FSTL5: variants seen among roughly 807,000 people sequenced by gnomAD.
FSTL5 encodes the protein follistatin-related protein 5.
FSTL5 carries 62 observed loss-of-function variants against 89.1 expected under a neutral mutation model. The observed-to-expected ratio is 0.70, with a 90% CI of 0.57 to 0.86. The LOEUF is 0.86. Among genes scored for constraint, FSTL5 ranks in the 40% least tolerant of loss-of-function variants. The pLI, the probability that FSTL5 is intolerant of heterozygous loss-of-function variation, is 0.00. For synonymous variants in FSTL5, 383 were observed against 346.2 expected (o/e 1.11, Z -1.18); for missense variants, 1,057 against 1,001.6 (o/e 1.06, Z -0.75).
chr4:162,033,680 G>T, intron 2 of FSTL5, 22 bp from the exon 3 acceptor site: 1 of 1,385,270 alleles, frequency 7.2e-7, no homozygotes, highest in Middle Eastern at 1.8e-4. Flanking sequence ...ACAGAAAATA[G>T]GTCAAAATAT....
intron 6 of FSTL5, among the ~76,000 whole-genome samples, chr4:161,726,287 C>T (rs1479675012): frequency 7.9e-6 from 1 of 127,256 alleles, no homozygotes; most frequent in Non-Finnish European, 1.6e-5. Flanking sequence ...AGTGCAGTGG[C>T]AAGATCTCGG....
chr4:161,558,893 T>C lies in FSTL5; in HGVS notation c.1016-16200A>G, dbSNP rs1578924097. On this transcript the variant is annotated intron_variant, in intron 8 of 15. Coordinates refer to ENST00000306100, the MANE Select transcript of FSTL5 (RefSeq NM_020116.5). ...GTTATTTATGGCAACATATTTATTATCAATTTGATCTCAATTTTTCACATT... is the reference window on the plus strand; with the variant it reads ...GTTATTTATGGCAACATATTTATTACCAATTTGATCTCAATTTTTCACATT... 2.0e-5 allele frequency among the ~76,000 whole-genome samples: 3 copies of C among 152,012 alleles called. No homozygotes were observed. In the South Asian group the frequency reaches 6.2e-4, roughly 31 times the overall value.
At chr4:161,590,673 T>C (rs1490331151) in intron 7 of FSTL5, among the ~76,000 whole-genome samples, 6 of 152,174 alleles carry the variant, frequency 3.9e-5, no homozygotes, top group Non-Finnish European at 7.3e-5. Flanking sequence ...ACTAAGGATA[T>C]GCAAATAAAA....
intron 3 of FSTL5, among the ~76,000 whole-genome samples, chr4:161,997,568 A>G (rs1736331819): frequency 6.6e-6 from 1 of 152,002 alleles, no homozygotes; most frequent in Non-Finnish European, 1.5e-5. Context: ...TCTTTATATG[A>G]AATATGCATG....
intron 3 of FSTL5, among the ~76,000 whole-genome samples, chr4:162,024,993 C>T (rs867377422): frequency 6.6e-6 from 1 of 151,956 alleles, no homozygotes; most frequent in Admixed American, 6.6e-5. Context: ...CAAATTCGTA[C>T]TCTGAGAGAA....
At chr4:161,798,130 G>C (rs755733531) in intron 4 of FSTL5, among the ~76,000 whole-genome samples, 12 of 151,550 alleles carry the variant, frequency 7.9e-5, no homozygotes, top group Non-Finnish European at 1.8e-4. Flanking sequence ...AAAAATTTAT[G>C]GCATACAGGT....
intron 6 of FSTL5, among the ~76,000 whole-genome samples, chr4:161,746,333 C>T (rs955411712): frequency 5.3e-5 from 8 of 151,994 alleles, no homozygotes; most frequent in African/African-American, 1.9e-4. Flanking sequence ...GATCTTTTCC[C>T]CTAATATTCC....
At chr4:162,018,697 C>G (rs1736987975) in intron 3 of FSTL5, among the ~76,000 whole-genome samples, 1 of 151,774 alleles carries the variant, frequency 6.6e-6, no homozygotes, top group Non-Finnish European at 1.5e-5. Flanking sequence ...TATTTTTTCT[C>G]AAGTTCCAGA....
intron 9 of FSTL5, among the ~76,000 whole-genome samples, chr4:161,541,019 CTCTCTCTAATTCACATA>C (rs1429363455): frequency 6.6e-5 from 10 of 152,068 alleles, no homozygotes; most frequent in Admixed American, 3.3e-4. Flanking sequence ...TGGGATTTTA[CTCTCTCTAATTCACATA>C]TTATCCCAGC....
At chr4:161,598,476 A>G (rs985965995) in intron 7 of FSTL5, among the ~76,000 whole-genome samples, 1 of 152,158 alleles carries the variant, frequency 6.6e-6, no homozygotes, top group African/African-American at 2.4e-5. Context: ...ATGAAAAGCC[A>G]AGACAATCCT....
At chr4:161,517,653 A>G (rs1730886840) in intron 10 of FSTL5, among the ~76,000 whole-genome samples, 1 of 152,218 alleles carries the variant, frequency 6.6e-6, no homozygotes. Context: ...AGTTACCTAC[A>G]TAACATCATG....
intron 8 of FSTL5, among the ~76,000 whole-genome samples, chr4:161,563,822 A>G (rs903670968): frequency 1.3e-5 from 2 of 152,032 alleles, no homozygotes; most frequent in Non-Finnish European, 2.9e-5. Flanking sequence ...GAATAACATT[A>G]CTATAATCTA....
chr4:162,139,417 A>G (rs1165614325), intron 1 of FSTL5, among the ~76,000 whole-genome samples: 2 of 151,862 alleles, frequency 1.3e-5, no homozygotes, highest in Non-Finnish European at 2.9e-5. Context: ...TTTTCAAACC[A>G]TATTTCAAGA....
At chr4:161,598,275 T>C (rs890552907) in intron 7 of FSTL5, among the ~76,000 whole-genome samples, 2 of 151,970 alleles carry the variant, frequency 1.3e-5, no homozygotes, top group Non-Finnish European at 2.9e-5. Flanking sequence ...CTTGGGAGGC[T>C]GAGACAGGAG....
At chr4:161,819,208 G>T (rs1730419837) in intron 4 of FSTL5, among the ~76,000 whole-genome samples, 1 of 151,702 alleles carries the variant, frequency 6.6e-6, no homozygotes, top group South Asian at 2.1e-4. Flanking sequence ...AATATTTTTG[G>T]TGAAATAAAT....
chr4:161,520,774 A>G (rs1730995882), intron 10 of FSTL5, among the ~76,000 whole-genome samples: 2 of 152,210 alleles, frequency 1.3e-5, no homozygotes, highest in African/African-American at 4.8e-5. Flanking sequence ...AAGAATTACA[A>G]AACAATAATT....
intron 3 of FSTL5, among the ~76,000 whole-genome samples, chr4:161,932,511 G>C (rs1191287625): frequency 6.6e-6 from 1 of 151,488 alleles, no homozygotes; most frequent in African/African-American, 2.4e-5. Flanking sequence ...CTATAAGAAT[G>C]TGTATATATA....
At position 161,645,026 on chromosome 4, in the gene FSTL5, G is replaced by T. The variant is rs144746405; in HGVS notation, c.894+11302C>A. ...CTAAGAAACACTGCAAGTACATAGGGTTTAAGATAAAAATATTTCTAGTAA... is the reference window on the plus strand; with the variant it reads ...CTAAGAAACACTGCAAGTACATAGGTTTTAAGATAAAAATATTTCTAGTAA... On this transcript the variant is annotated intron_variant, in intron 7 of 15. Transcript: ENST00000306100. Among the ~76,000 whole-genome samples, 911 of 152,126 alleles carry T rather than the reference G, an allele frequency of 6.0e-3. 10 individuals are homozygous for T. The highest frequency in any genetic ancestry group is 0.045 in the South Asian group (219 of 4,820).
At chr4:161,513,223 A>G (rs1730705051) in intron 10 of FSTL5, among the ~76,000 whole-genome samples, 1 of 150,224 alleles carries the variant, frequency 6.7e-6, no homozygotes, top group Admixed American at 6.8e-5. Context: ...TAAGCAAATG[A>G]TAATACACAG....
Sources: allele counts gnomAD v4.1 joint callset (sites outside exome capture counted in the v4.1 genomes callset), GRCh38; gene constraint gnomAD v4.1.1; transcripts MANE v1.5; gene names NCBI Gene and HGNC (gene_info 2026-07-23, HGNC 2026-07-21).